RNF220: variants seen among roughly 807,000 people sequenced by gnomAD.
RNF220 encodes ring finger protein 220.
A neutral mutation model predicts 67.1 loss-of-function variants in RNF220; 7 were observed. That is an observed-to-expected ratio of 0.10 (90% CI 0.06 to 0.20). RNF220 has a LOEUF of 0.20. Ranked by LOEUF, RNF220 falls within the 10% of genes least tolerant of loss-of-function variation. The probability of loss-of-function intolerance (pLI) is 1.00; values close to 1 mark genes in which losing one functional copy is unlikely to be tolerated. For synonymous variants in RNF220, 270 were observed against 283.2 expected (o/e 0.95, Z 0.47); for missense variants, 565 against 740.3 (o/e 0.76, Z 2.75).
At chr1:44,427,984 C>T (rs1348851761) in intron 2 of RNF220, among the ~76,000 whole-genome samples, 1 of 152,152 alleles carries the variant, frequency 6.6e-6, no homozygotes, top group African/African-American at 2.4e-5. Context: ...TAAGTCTGTG[C>T]AGTTTATGAC....
At chr1:44,593,210 G>A (rs56400442) in intron 2 of RNF220, among the ~76,000 whole-genome samples, 27,190 of 152,118 alleles carry the variant, frequency 0.18, 2,986 homozygotes, top group Middle Eastern at 0.29. Flanking sequence ...CCCTAGACCC[G>A]CAGAGGGCAG....
chr1:44,583,588 T>A (rs1487711618), intron 2 of RNF220, among the ~76,000 whole-genome samples: 2 of 152,250 alleles, frequency 1.3e-5, no homozygotes, highest in Admixed American at 1.3e-4. Context: ...CATTACTGGA[T>A]TATTTCGAGA....
At chr1:44,486,722 G>A (rs1046602990) in intron 2 of RNF220, among the ~76,000 whole-genome samples, 6 of 152,196 alleles carry the variant, frequency 3.9e-5, no homozygotes, top group Non-Finnish European at 7.3e-5. Context: ...GGAGCTTCAT[G>A]GCTAAGAGTG....
intron 2 of RNF220, among the ~76,000 whole-genome samples, chr1:44,559,660 G>A (rs959429793): frequency 1.3e-5 from 2 of 152,146 alleles, no homozygotes; most frequent in Non-Finnish European, 2.9e-5. Context: ...AGGAAGAGGG[G>A]GCCACGGCCC....
intron 2 of RNF220, among the ~76,000 whole-genome samples, chr1:44,608,185 G>A (rs1444767500): frequency 6.6e-6 from 1 of 152,022 alleles, no homozygotes; most frequent in Non-Finnish European, 1.5e-5. Context: ...TCGGCCTCTC[G>A]AAGTGCTAGG....
At chr1:44,439,057 A>G (rs1298814264) in intron 2 of RNF220, among the ~76,000 whole-genome samples, 2 of 152,248 alleles carry the variant, frequency 1.3e-5, no homozygotes, top group African/African-American at 4.8e-5. Context: ...AAACAACATT[A>G]CAGAGAACAT....
rs1644173780 is a variant in RNF220 at position 44,632,361 on chromosome 1, G to A, written c.925G>A (p.Ala309Thr). 1 of 1,613,974 alleles carries A rather than the reference G, an allele frequency of 6.2e-7. No homozygotes were observed. The highest frequency in any genetic ancestry group is 8.5e-7 in the Non-Finnish European group (1 of 1,180,004). ...DRYQTFLRVR[A>T]NRQTRLNARI... ...CTCCCAGACCTTTCTGCGAGTACGA[G>A]CCAACCGGCAGACCCGACTGAATGG... The change falls in exon 6 of 15, where the codon GCC becomes ACC. Residue 309 changes from alanine (A) to threonine (T), a missense_variant. Ala to Thr is a moderately conservative substitution (Grantham distance 58, BLOSUM62 0). Transcript: ENST00000361799.
Position 44,533,481 on chromosome 1 carries a change from C to T in RNF220, c.626-80684C>T, listed in dbSNP as rs533350468. 1.2e-4 allele frequency among the ~76,000 whole-genome samples: 18 copies of T among 152,126 alleles called. No individual in the cohort carries two copies. The South Asian group carries it at 2.7e-3, about 23-fold the overall frequency. On this transcript the variant is annotated intron_variant, in intron 2 of 14. Coordinates refer to ENST00000361799, the MANE Select transcript of RNF220 (RefSeq NM_018150.4). Reference sequence around the variant, plus strand: ...CAGCCTGGGCAACAGAGTGAGACCCCGTCTCAGAAAAAATAAAAGAAAAAG... The same window carrying T: ...CAGCCTGGGCAACAGAGTGAGACCCTGTCTCAGAAAAAATAAAAGAAAAAG...
At chr1:44,527,935 A>C (rs1421664227) in intron 2 of RNF220, among the ~76,000 whole-genome samples, 5 of 147,530 alleles carry the variant, frequency 3.4e-5, no homozygotes, top group South Asian at 4.3e-4. Context: ...CAAAAAAAAA[A>C]AAAAAAAAAA....
intron 4 of RNF220, among the ~76,000 whole-genome samples, chr1:44,625,213 C>A (rs1573091483): frequency 6.6e-6 from 1 of 152,188 alleles, no homozygotes. Flanking sequence ...CATGAGGCCT[C>A]CCACTGGGCT....
chr1:44,635,923 C>G, intron 7 of RNF220, 107 bp from the exon 8 acceptor site: 1 of 1,557,896 alleles, frequency 6.4e-7, no homozygotes, highest in Non-Finnish European at 8.8e-7. Flanking sequence ...AGCTGAGGGC[C>G]CACTTGGCAC....
chr1:44,635,575 A>G lies in RNF220; in HGVS notation c.980A>G (p.Gln327Arg), dbSNP rs1379142892. Residue 327 changes from glutamine (Q) to arginine (R), a missense_variant, in exon 7 of 15, where the codon CAA becomes CGA. Coordinates refer to ENST00000361799, the MANE Select transcript of RNF220 (RefSeq NM_018150.4). ...ARIGKMKRRK[Q>R]DEGQREGSCM... ...ATTGGGAAAATGAAACGGAGGAAGCAAGATGAAGGGCAGGTATGTCCCCTG... is the reference window on the plus strand; with the variant it reads ...ATTGGGAAAATGAAACGGAGGAAGCGAGATGAAGGGCAGGTATGTCCCCTG... 19 of 1,614,084 alleles carry G rather than the reference A, an allele frequency of 1.2e-5. No individual in the cohort carries two copies. The highest frequency in any genetic ancestry group is 3.3e-5 in the South Asian group (3 of 91,092).
chr1:44,610,259 ATTG>A (rs1183802099), intron 2 of RNF220, among the ~76,000 whole-genome samples: 6 of 152,234 alleles, frequency 3.9e-5, no homozygotes, highest in African/African-American at 1.4e-4. Flanking sequence ...TCAGCTAAAA[ATTG>A]TTGTCAGTCC....
At chr1:44,588,056 G>C (rs1050175398) in intron 2 of RNF220, among the ~76,000 whole-genome samples, 1 of 152,212 alleles carries the variant, frequency 6.6e-6, no homozygotes, top group African/African-American at 2.4e-5. Context: ...ACCCGCTAGA[G>C]TGAACACCTT....
chr1:44,554,490 A>C (rs147494203), intron 2 of RNF220, among the ~76,000 whole-genome samples: 2 of 152,244 alleles, frequency 1.3e-5, no homozygotes, highest in African/African-American at 4.8e-5. Context: ...TGATGTATTC[A>C]TACTCAATAA....
At position 44,616,423 on chromosome 1, in the gene RNF220, C is replaced by T. The variant is rs77797286; in HGVS notation, c.758+2126C>T. ...TTAATTTATTTAATCTTCACAACAACCCTCTGAAGTAGGTGACAATAATTG... is the reference window on the plus strand; with the variant it reads ...TTAATTTATTTAATCTTCACAACAATCCTCTGAAGTAGGTGACAATAATTG... On this transcript the variant is annotated intron_variant, in intron 3 of 14. Transcript: ENST00000361799. 3.0e-3 allele frequency among the ~76,000 whole-genome samples: 457 copies of T among 152,296 alleles called. 7 individuals are homozygous for T. In the East Asian group the frequency reaches 0.057, roughly 19 times the overall value.
intron 2 of RNF220, among the ~76,000 whole-genome samples, chr1:44,558,602 C>A (rs1044893275): frequency 6.6e-6 from 1 of 152,120 alleles, no homozygotes; most frequent in African/African-American, 2.4e-5. Flanking sequence ...AACAGCCCTG[C>A]AAGGTGAGTA....
intron 2 of RNF220, among the ~76,000 whole-genome samples, chr1:44,545,301 T>C (rs1319194066): frequency 2.4e-4 from 36 of 152,194 alleles, no homozygotes; most frequent in Admixed American, 2.4e-3. Context: ...AGAAGCTTTA[T>C]TGAAGGGAGG....
intron 2 of RNF220, among the ~76,000 whole-genome samples, chr1:44,559,067 G>A (rs539618486): frequency 1.3e-5 from 2 of 152,208 alleles, no homozygotes; most frequent in South Asian, 2.1e-4. Flanking sequence ...TGTCCCTAGC[G>A]CCTAGCCCAA....
Sources: gnomAD v4.1 joint callset for allele counts (sites outside exome capture counted in the v4.1 genomes callset) on GRCh38, gnomAD v4.1.1 for gene constraint, MANE v1.5 for transcripts, NCBI Gene and HGNC (gene_info 2026-07-23, HGNC 2026-07-21) for gene names.